HERPUD2: variants seen among roughly 807,000 people sequenced by gnomAD.
HERPUD2 encodes HERPUD family member 2.
HERPUD2 carries 13 observed loss-of-function variants against 49.9 expected under a neutral mutation model. The ratio of observed to expected loss-of-function variants is 0.26; its 90% CI spans 0.17 to 0.41. The LOEUF (loss-of-function observed/expected upper bound fraction) is 0.41. Among genes scored for constraint, HERPUD2 ranks in the 10% least tolerant of loss-of-function variants. HERPUD2 has a pLI of 1.00. For missense variants in HERPUD2, 449 were observed against 492.2 expected (o/e 0.91, Z 0.83); for synonymous variants, 172 against 171.4 (o/e 1.00, Z -0.03).
intron 5 of HERPUD2, 58 bp downstream of exon 5, chr7:35,667,376 A>G: frequency 1.3e-6 from 2 of 1,494,682 alleles, no homozygotes; most frequent in Non-Finnish European, 1.8e-6. Flanking sequence ...GAAACTCAAA[A>G]GCAATTCATT....
chr7:35,640,420 C>T (rs1017789012), intron 5 of HERPUD2, among the ~76,000 whole-genome samples: 1 of 152,158 alleles, frequency 6.6e-6, no homozygotes, highest in Admixed American at 6.6e-5. Context: ...AAGCCACTAA[C>T]CATTACTTTT....
At chr7:35,653,060 A>T (rs1237823234) in intron 5 of HERPUD2, among the ~76,000 whole-genome samples, 4 of 152,224 alleles carry the variant, frequency 2.6e-5, no homozygotes, top group Non-Finnish European at 5.9e-5. Context: ...TACTAAAATG[A>T]CAGGAATAAG....
At chr7:35,634,797 TATAGAACTTACTATTGGTAATTCTAATG>T (rs1157979033) in intron 7 of HERPUD2, among the ~76,000 whole-genome samples, 1 of 152,212 alleles carries the variant, frequency 6.6e-6, no homozygotes, top group African/African-American at 2.4e-5. Flanking sequence ...GGCTTATACC[TATAGAACTTACTATTGGTAATTCTAATG>T]AAAGAGGATG....
In HERPUD2 at chr7:35,635,415, T is replaced by A. The variant is rs765078899; in HGVS notation, c.661A>T (p.Thr221Ser). 6.2e-7 allele frequency: 1 copy of A among 1,614,108 alleles called. No homozygotes were observed. The highest frequency in any genetic ancestry group is 2.2e-5 in the East Asian group (1 of 44,886). Residue 221 changes from threonine (T) to serine (S), a missense_variant, in exon 7 of 9, where the codon ACC becomes TCC. Physicochemically the swap from Thr to Ser is moderately conservative, Grantham distance 58. Coordinates refer to ENST00000311350, the MANE Select transcript of HERPUD2 (RefSeq NM_022373.5). ...SAQATSNVNPTQPTTSQPLNL... is the reference protein window; with the variant it reads ...SAQATSNVNPSQPTTSQPLNL... Reference sequence around the variant, plus strand: ...AGAGGCTGTGAAGTAGTAGGCTGGGTTGGGTTGACATTTGATGTGGCCTGA... The same window carrying A: ...AGAGGCTGTGAAGTAGTAGGCTGGGATGGGTTGACATTTGATGTGGCCTGA...
chr7:35,667,430 T>C lies in HERPUD2; in HGVS notation c.494+4A>G. 6.2e-7 allele frequency: 1 copy of C among 1,607,254 alleles called. No individual in the cohort carries two copies. On this transcript the variant is annotated splice_donor_region_variant and intron_variant, in intron 5 of 8. Transcript: ENST00000311350. ...CATTCCATAGCTACCACAATTTCAC[T>C]TACCCTTGCATTACATATGGAAACT...
chr7:35,655,296 A>G (rs1785252674), intron 5 of HERPUD2, among the ~76,000 whole-genome samples: 2 of 152,194 alleles, frequency 1.3e-5, no homozygotes, highest in African/African-American at 2.4e-5. Context: ...CTACAGGTCA[A>G]CGATGAACAC....
chr7:35,685,961 T>A (rs28664776), intron 2 of HERPUD2, among the ~76,000 whole-genome samples: 108,378 of 138,342 alleles, frequency 0.78, 39,288 homozygotes, highest in East Asian at 0.85. Flanking sequence ...ACCCTGTCTC[T>A]AAATAAATAA....
At chr7:35,646,710 T>C (rs906827260) in intron 5 of HERPUD2, among the ~76,000 whole-genome samples, 6 of 152,210 alleles carry the variant, frequency 3.9e-5, no homozygotes, top group African/African-American at 7.2e-5. Context: ...CCTGTCCCCA[T>C]AGAAAATGTC....
intron 5 of HERPUD2, among the ~76,000 whole-genome samples, chr7:35,651,956 T>C (rs1583546509): frequency 6.6e-6 from 1 of 152,072 alleles, no homozygotes; most frequent in East Asian, 1.9e-4. Context: ...ATCTGAGCAA[T>C]TTAGAAGGCA....
chr7:35,647,562 T>C (rs1318485845), intron 5 of HERPUD2, among the ~76,000 whole-genome samples: 2 of 151,648 alleles, frequency 1.3e-5, no homozygotes, highest in Non-Finnish European at 1.5e-5. Flanking sequence ...ATCTGACGGG[T>C]AGATCTGACC....
chr7:35,662,394 G>A (rs1487120019), intron 5 of HERPUD2, among the ~76,000 whole-genome samples: 4 of 152,184 alleles, frequency 2.6e-5, no homozygotes, highest in Non-Finnish European at 4.4e-5. Flanking sequence ...CTCATAAAAT[G>A]AATTAGGGAG....
At chr7:35,649,574 A>G (rs1214035802) in intron 5 of HERPUD2, among the ~76,000 whole-genome samples, 2 of 152,204 alleles carry the variant, frequency 1.3e-5, no homozygotes, top group East Asian at 3.9e-4. Context: ...TTAGGGAGAC[A>G]TGGGACATCA....
intron 5 of HERPUD2, among the ~76,000 whole-genome samples, chr7:35,660,357 T>C (rs528827624): frequency 1.6e-3 from 238 of 152,366 alleles, no homozygotes; most frequent in Non-Finnish European, 2.8e-3. Context: ...TATGTCTTTA[T>C]ACCAGCATGA....
chr7:35,655,652 C>A (rs2115898475), intron 5 of HERPUD2, among the ~76,000 whole-genome samples: 2 of 152,268 alleles, frequency 1.3e-5, no homozygotes, highest in South Asian at 4.1e-4. Flanking sequence ...CCCACTTTCA[C>A]CAGTCTTTTT....
intron 5 of HERPUD2, among the ~76,000 whole-genome samples, chr7:35,645,790 A>G (rs1785044569): frequency 6.6e-6 from 1 of 152,244 alleles, no homozygotes; most frequent in Non-Finnish European, 1.5e-5. Context: ...ATGCACGCAC[A>G]TACACACATA....
intron 5 of HERPUD2, among the ~76,000 whole-genome samples, chr7:35,663,684 G>A (rs1474970320): frequency 1.3e-5 from 2 of 152,062 alleles, no homozygotes; most frequent in Admixed American, 1.3e-4. Flanking sequence ...TGATCTGTTG[G>A]TTTAAAGTCT....
intron 5 of HERPUD2, among the ~76,000 whole-genome samples, chr7:35,662,760 T>C (rs1785451894): frequency 6.6e-6 from 1 of 152,232 alleles, no homozygotes; most frequent in Non-Finnish European, 1.5e-5. Context: ...TTCTTCTCGC[T>C]TTTGTTCTTT....
chr7:35,683,582 A>G (rs1177333936), intron 2 of HERPUD2, among the ~76,000 whole-genome samples: 1 of 152,262 alleles, frequency 6.6e-6, no homozygotes, highest in East Asian at 1.9e-4. Context: ...GGACTTAATT[A>G]AACTAAAGAA....
At chr7:35,674,404 T>TATATATATATATATAG (rs1785711309) in intron 2 of HERPUD2, among the ~76,000 whole-genome samples, 3 of 38,126 alleles carry the variant, frequency 7.9e-5, no homozygotes, top group Non-Finnish European at 8.8e-5. Flanking sequence ...TATATATATA[T>TATATATATATATATAG]AGAGAGAGAG....
Sources: allele counts gnomAD v4.1 joint callset (sites outside exome capture counted in the v4.1 genomes callset), GRCh38; gene constraint gnomAD v4.1.1; transcripts MANE v1.5; gene names NCBI Gene and HGNC (gene_info 2026-07-23, HGNC 2026-07-21).